The following PCDHA1 variants were observed in gnomAD, a reference collection of about 807,000 sequenced individuals.
PCDHA1 encodes the protein protocadherin alpha 1.
Under a neutral mutation model 61.3 loss-of-function variants are expected in PCDHA1, and 42 were observed. That is an observed-to-expected ratio of 0.69 (90% CI 0.54 to 0.89). The LOEUF (loss-of-function observed/expected upper bound fraction) is 0.89, where lower values mean the gene tolerates loss of function less well. Among genes scored for constraint, PCDHA1 ranks in the 40% least tolerant of loss-of-function variants. The probability of loss-of-function intolerance (pLI) is 0.00; values close to 1 mark genes in which losing one functional copy is unlikely to be tolerated. For missense variants in PCDHA1, 1,256 were observed against 1,235.3 expected, an observed-to-expected ratio of 1.02 and a Z score of -0.25; for synonymous variants, 610 against 553.8, an observed-to-expected ratio of 1.10 and a Z score of -1.43.
intron 1 of PCDHA1, chr5:140,802,388 G>T: frequency 6.2e-7 from 1 of 1,614,230 alleles, no homozygotes; most frequent in Non-Finnish European, 8.5e-7. Flanking sequence ...CCTTCAAGCT[G>T]GTGTCCACCT....
intron 1 of PCDHA1, among the ~76,000 whole-genome samples, chr5:140,799,837 T>C (rs1762479555): frequency 1.3e-5 from 2 of 152,098 alleles, no homozygotes; most frequent in Non-Finnish European, 2.9e-5. Flanking sequence ...AAGCAAAAAT[T>C]TGTACATTAT....
chr5:140,828,392 G>A, intron 1 of PCDHA1: 1 of 1,614,286 alleles, frequency 6.2e-7, no homozygotes, highest in Non-Finnish European at 8.5e-7. Context: ...GCGGAGCGCG[G>A]AGTGCAGCAT....
chr5:140,915,638 C>CTT (rs1183097723), intron 1 of PCDHA1, among the ~76,000 whole-genome samples: 1 of 151,724 alleles, frequency 6.6e-6, no homozygotes, highest in African/African-American at 2.4e-5. Context: ...CTCTCTCTCT[C>CTT]TCTCTCTCTC....
chr5:140,822,016 G>A (rs1193134042), intron 1 of PCDHA1: 1 of 1,614,196 alleles, frequency 6.2e-7, no homozygotes, highest in Non-Finnish European at 8.5e-7. Flanking sequence ...TCTGCAGAAT[G>A]GCATTTTGTT....
chr5:140,995,367 T>G (rs2153932865), intron 3 of PCDHA1, among the ~76,000 whole-genome samples: 1 of 152,280 alleles, frequency 6.6e-6, no homozygotes, highest in East Asian at 1.9e-4. Context: ...AGAGGGATGA[T>G]TCACGTACTG....
chr5:140,871,132 G>A, intron 1 of PCDHA1: 1 of 1,613,372 alleles, frequency 6.2e-7, no homozygotes, highest in South Asian at 1.1e-5. Flanking sequence ...GGCGCCAAAG[G>A]CCTCTTCCCG....
intron 1 of PCDHA1, chr5:140,853,685 C>T (rs1554146805): frequency 1.0e-6 from 1 of 988,006 alleles, no homozygotes; most frequent in Non-Finnish European, 1.2e-6. Context: ...TCAACCTATC[C>T]TTAGACCTGC....
intron 1 of PCDHA1, chr5:140,877,979 A>G (rs2057420487): frequency 4.9e-6 from 6 of 1,227,544 alleles, no homozygotes; most frequent in Non-Finnish European, 5.4e-6. Flanking sequence ...ATTCTTACTC[A>G]TTTTGAACTT....
chr5:140,986,236 T>C (rs1213371307), intron 3 of PCDHA1, among the ~76,000 whole-genome samples: 1 of 152,170 alleles, frequency 6.6e-6, no homozygotes. Flanking sequence ...CCCCTCTGTG[T>C]GAGCAGACCC....
chr5:140,826,537 T>C (rs1413991226), intron 1 of PCDHA1, among the ~76,000 whole-genome samples: 1 of 152,182 alleles, frequency 6.6e-6, no homozygotes, highest in Non-Finnish European at 1.5e-5. Context: ...GTCTTATTGG[T>C]GACTCTATTT....
chr5:140,829,652 C>CA, intron 1 of PCDHA1: 1 of 1,612,488 alleles, frequency 6.2e-7, no homozygotes, highest in Non-Finnish European at 8.5e-7. Context: ...GTACGCGCTG[C>CA]AGCCGCTGGA....
At chr5:140,819,237 C>G (rs1431831508) in intron 1 of PCDHA1, among the ~76,000 whole-genome samples, 3 of 152,128 alleles carry the variant, frequency 2.0e-5, no homozygotes, top group African/African-American at 7.2e-5. Context: ...ATTTCCTCTT[C>G]TCTGCAATCT....
chr5:140,836,217 CA>C, intron 1 of PCDHA1: 1 of 1,613,820 alleles, frequency 6.2e-7, no homozygotes, highest in Non-Finnish European at 8.5e-7. Context: ...GTATGAGTTG[CA>C]ACCGGTGGCG....
At position 140,835,853 on chromosome 5, in the gene PCDHA1, G is replaced by A. The variant is rs2150246654; in HGVS notation, c.2394+47169G>A. 3.1e-6 allele frequency: 5 copies of A among 1,612,274 alleles called. No individual in the cohort carries two copies. The Admixed American group carries it at 8.3e-5, about 27-fold the overall frequency. On this transcript the variant is annotated intron_variant, in intron 1 of 3. Transcript: ENST00000504120. ...CGGACGCGCAGAAGAACGCGCTGGT[G>A]TCCTACTCGCTGGTGGAGCTGCGGG...
intron 1 of PCDHA1, chr5:140,860,474 TA>T (rs1293657242): frequency 6.6e-6 from 1 of 152,154 alleles, no homozygotes; most frequent in African/African-American, 2.4e-5. Context: ...GTTGGTGCAG[TA>T]GTACTTTATT....
chr5:140,876,922 G>C (rs1554169106), intron 1 of PCDHA1: 6 of 1,613,906 alleles, frequency 3.7e-6, no homozygotes, highest in African/African-American at 2.7e-5. Context: ...GGACGCGGAC[G>C]CGCAGAAGAA....
chr5:140,830,339 T>C, intron 1 of PCDHA1: 1 of 1,613,958 alleles, frequency 6.2e-7, no homozygotes, highest in Non-Finnish European at 8.5e-7. Flanking sequence ...GAGCTGGTCG[T>C]ACTCGCAGCA....
At chr5:140,862,843 C>T (rs781903712) in intron 1 of PCDHA1, 3 of 572,390 alleles carry the variant, frequency 5.2e-6, no homozygotes, top group African/African-American at 2.0e-5. Flanking sequence ...GGGCATGCCG[C>T]CTCTGAGCAG....
At chr5:140,809,015 G>A (rs1764332857) in intron 1 of PCDHA1, 9 of 1,613,708 alleles carry the variant, frequency 5.6e-6, no homozygotes, top group East Asian at 2.2e-5. Context: ...GCTTTCGTAC[G>A]AGCTGCAGCC....
Sources: allele counts gnomAD v4.1 joint callset (sites outside exome capture counted in the v4.1 genomes callset), GRCh38; gene constraint gnomAD v4.1.1; transcripts MANE v1.5; gene names NCBI Gene and HGNC (gene_info 2026-07-23, HGNC 2026-07-21).